The following TBC1D16 variants were observed in gnomAD, a reference collection of about 807,000 sequenced individuals.
The protein encoded by TBC1D16 is CTD-2529O21.1.
TBC1D16 carries 58 observed loss-of-function variants against 74.7 expected under a neutral mutation model. The observed-to-expected ratio is 0.78, with a 90% confidence interval of 0.63 to 0.97. The LOEUF is 0.97. TBC1D16 is among the 50% of genes least tolerant of loss of function. TBC1D16 has a pLI of 0.00. For missense variants in TBC1D16, 1,014 were observed against 1,079.5 expected (o/e 0.94, Z 0.85); for synonymous variants, 493 against 474.7 (o/e 1.04, Z -0.50).
At position 79,988,963 on chromosome 17, in the gene TBC1D16, G is replaced by A. The variant is rs62074517; in HGVS notation, c.779+21197C>T. Among the ~76,000 whole-genome samples the A allele has an allele frequency of 0.66, 100,529 of 152,082 alleles. 34,186 individuals are homozygous for A. Among genetic ancestry groups the A allele is most frequent in the Admixed American group, 0.75 (11,466 of 15,294 alleles). ...ACCCAGCACCTTCAGTCCTCCTGCCGAGAAGAAGCCTTTCATCAGTAAAAG... is the reference window on the plus strand; with the variant it reads ...ACCCAGCACCTTCAGTCCTCCTGCCAAGAAGAAGCCTTTCATCAGTAAAAG... On this transcript the variant is annotated intron_variant, in intron 3 of 11. Coordinates refer to ENST00000310924, the MANE Select transcript of TBC1D16 (RefSeq NM_019020.4). This position sits in a 1 kb window ranked among gnomAD's most constrained non-coding sequence, Gnocchi z 5.7.
intron 3 of TBC1D16, among the ~76,000 whole-genome samples, chr17:79,972,373 C>G (rs2034148444): frequency 6.6e-6 from 1 of 152,108 alleles, no homozygotes; most frequent in Non-Finnish European, 1.5e-5. Flanking sequence ...GACAGGGTTT[C>G]ACCATGTTGG....
intron 1 of TBC1D16, among the ~76,000 whole-genome samples, chr17:80,032,706 G>A (rs2036815915): frequency 1.3e-5 from 2 of 152,276 alleles, no homozygotes; most frequent in Admixed American, 1.3e-4. Context: ...CTGTGCACTG[G>A]CCTCATTAAC....
chr17:80,005,390 A>AC, intron 3 of TBC1D16, among the ~76,000 whole-genome samples: 1 of 152,132 alleles, frequency 6.6e-6, no homozygotes, highest in Non-Finnish European at 1.5e-5. Context: ...GTTATTCCAC[A>AC]CCCTCGCCCA....
Position 79,952,711 on chromosome 17 carries a change from C to A in TBC1D16, c.887G>T (p.Cys296Phe), listed in dbSNP as rs762764896. ...PQRVCALEQI[C>F]GVFRVDLGHM... ...GCCCAGGTCCACGCGGAACACGCCGCAAATCTGCTCCAGGGCGCACACCCG... is the reference window on the plus strand; with the variant it reads ...GCCCAGGTCCACGCGGAACACGCCGAAAATCTGCTCCAGGGCGCACACCCG... Residue 296 changes from cysteine to phenylalanine, a missense_variant, in exon 4 of 12, where the codon TGC becomes TTC. By Grantham distance (205) the Cys-to-Phe change is radical (BLOSUM62 -2). Transcript: ENST00000310924. 3.7e-6 allele frequency: 6 copies of A among 1,611,886 alleles called. No individual in the cohort carries two copies. Among genetic ancestry groups the A allele is most frequent in the Non-Finnish European group, 5.1e-6 (6 of 1,178,820 alleles).
At position 80,009,501 on chromosome 17, in the gene TBC1D16, G is replaced by C. The variant is rs531466060; in HGVS notation, c.779+659C>G. On this transcript the variant is annotated intron_variant, in intron 3 of 11. Coordinates refer to ENST00000310924, the MANE Select transcript of TBC1D16 (RefSeq NM_019020.4). The surrounding 1 kb of genome is among the most constrained non-coding windows in gnomAD (Gnocchi z 5.4). ...GGGCACGGGCCCAACTCTAGCTCCT[G>C]CAAGTGTGGCCAGCAAGGAGTCCAG... Among the ~76,000 whole-genome samples the C allele has an allele frequency of 6.6e-6, 1 of 152,346 alleles. No individual in the cohort carries two copies. The highest frequency in any genetic ancestry group is 1.5e-5 in the Non-Finnish European group (1 of 68,024).
chr17:79,995,404 C>T (rs1300399553), intron 3 of TBC1D16, among the ~76,000 whole-genome samples: 3 of 151,998 alleles, frequency 2.0e-5, no homozygotes, highest in East Asian at 1.9e-4. Flanking sequence ...CTTCAACAAA[C>T]GACGCGGGAG....
chr17:79,933,967 C>G lies in TBC1D16; in HGVS notation c.*6892G>C, dbSNP rs574204889. ...ACCCCAGAGAACTTCCCCTCTGGAG[C>G]CTGTGCGGCTGGTTGAGTGTAAACG... On this transcript the variant is annotated 3_prime_UTR_variant, in exon 12 of 12. Coordinates refer to ENST00000310924, the MANE Select transcript of TBC1D16 (RefSeq NM_019020.4). 2 of 152,438 alleles carry G rather than the reference C, an allele frequency of 1.3e-5. No individual in the cohort carries two copies. Among genetic ancestry groups the G allele is most frequent in the African/African-American group, 4.8e-5 (2 of 41,578 alleles). The allele number at this position is 152,438 out of a possible 1,614,324, so 9.4% of individuals were successfully genotyped here. A position where few individuals can be genotyped will look rare whatever the true frequency, so the allele number is the denominator to read the frequency against.
intron 1 of TBC1D16, among the ~76,000 whole-genome samples, chr17:80,023,667 A>C (rs11649802): frequency 0.33 from 46,361 of 142,086 alleles, 8,855 homozygotes; most frequent in East Asian, 0.5. Context: ...GCCCCCCCCC[A>C]CCGGCTCAGG....
In TBC1D16 at chr17:79,981,603, C is replaced by G. The variant is rs2034584256; in HGVS notation, c.779+28557G>C. Among the ~76,000 whole-genome samples the G allele has an allele frequency of 6.6e-6, 1 of 152,260 alleles. No individual in the cohort carries two copies. Among genetic ancestry groups the G allele is most frequent in the East Asian group, 1.9e-4 (1 of 5,202 alleles). On this transcript the variant is annotated intron_variant, in intron 3 of 11. Coordinates refer to ENST00000310924, the MANE Select transcript of TBC1D16 (RefSeq NM_019020.4). This position sits in a 1 kb window ranked among gnomAD's most constrained non-coding sequence, Gnocchi z 6.9. ...AATGCGCATGAACATGATTTTTAAG[C>G]CATCCTACCAGCAACACTTCGTTTT...
At chr17:80,013,139 T>C (rs182407583) in intron 2 of TBC1D16, among the ~76,000 whole-genome samples, 1 of 152,374 alleles carries the variant, frequency 6.6e-6, no homozygotes, top group Admixed American at 6.5e-5. Flanking sequence ...AACCCATCTT[T>C]TGTCCCTCCC....
rs534523784 is a variant in TBC1D16 at position 80,028,203 on chromosome 17, T to C, written c.-63+7592A>G. 3.0e-4 allele frequency among the ~76,000 whole-genome samples: 45 copies of C among 152,118 alleles called. No homozygotes were observed. In the South Asian group the frequency reaches 8.5e-3, roughly 29 times the overall value. ...GATGGATTGAAGCCAAGATCTACAATTTGCATCAGCTTGAGTGTACAAAAA... is the reference window on the plus strand; with the variant it reads ...GATGGATTGAAGCCAAGATCTACAACTTGCATCAGCTTGAGTGTACAAAAA... On this transcript the variant is annotated intron_variant, in intron 1 of 11. Transcript: ENST00000310924.
rs12602330 is a variant in TBC1D16, at chr17:79,944,608, T to A, written c.1908+300A>T. 0.036 allele frequency among the ~76,000 whole-genome samples: 5,451 copies of A among 152,146 alleles called. 127 individuals are homozygous for A. Among genetic ancestry groups the A allele is most frequent in the East Asian group, 0.081 (418 of 5,150 alleles). On this transcript the variant is annotated intron_variant, in intron 10 of 11. Coordinates refer to ENST00000310924, the MANE Select transcript of TBC1D16 (RefSeq NM_019020.4). The surrounding 1 kb of genome is among the most constrained non-coding windows in gnomAD (Gnocchi z 7.7). ...ACCAGCGTCCTGGGCTGCTGTGGCCTAGTGTAGGCCCCCCACAGTGTCACT... is the reference window on the plus strand; with the variant it reads ...ACCAGCGTCCTGGGCTGCTGTGGCCAAGTGTAGGCCCCCCACAGTGTCACT...
At position 79,990,372 on chromosome 17, in the gene TBC1D16, CAGCCCGGGCAGAGGTG is replaced by C. The variant is rs1350921557; in HGVS notation, c.779+19772_779+19787del. Among the ~76,000 whole-genome samples, 1 of 152,234 alleles carries C rather than the reference CAGCCCGGGCAGAGGTG, an allele frequency of 6.6e-6. No homozygotes were observed. Among genetic ancestry groups the C allele is most frequent in the Admixed American group, 6.5e-5 (1 of 15,286 alleles). ...CCTGCCCCATGAGAGCCTCCTGTTG[CAGCCCGGGCAGAGGTG>C]AGCCTGGGCAGCCACCTCCCACGTG... On this transcript the variant is annotated intron_variant, in intron 3 of 11. Transcript: ENST00000310924. This position sits in a 1 kb window ranked among gnomAD's most constrained non-coding sequence, Gnocchi z 4.8.
chr17:79,967,328 T>C (rs1047871224), intron 3 of TBC1D16, among the ~76,000 whole-genome samples: 6 of 152,168 alleles, frequency 3.9e-5, no homozygotes, highest in African/African-American at 9.7e-5. Flanking sequence ...GGAGTAAAAC[T>C]ATCTCTATTA....
Position 79,944,250 on chromosome 17 carries a change from C to T in TBC1D16, c.1908+658G>A, listed in dbSNP as rs2032307514. 2 of 1,050,064 alleles carry T rather than the reference C, an allele frequency of 1.9e-6. No individual in the cohort carries two copies. The highest frequency in any genetic ancestry group is 2.7e-6 in the Non-Finnish European group (2 of 731,322). The allele number at this position is 1,050,064 out of a possible 1,614,324, so 65.0% of individuals were successfully genotyped here. A position where few individuals can be genotyped will look rare whatever the true frequency, so the allele number is the denominator to read the frequency against. On this transcript the variant is annotated intron_variant, in intron 10 of 11. Transcript: ENST00000310924. This position sits in a 1 kb window ranked among gnomAD's most constrained non-coding sequence, Gnocchi z 7.7. ...CCAGCTCCTGCAAAAGGGTCCAGCC[C>T]TCCTGGATGCGTCGATGTGAGTTTT...
chr17:79,997,103 G>A (rs1310628823), intron 3 of TBC1D16, among the ~76,000 whole-genome samples: 1 of 152,176 alleles, frequency 6.6e-6, no homozygotes, highest in Non-Finnish European at 1.5e-5. Flanking sequence ...CTGTGCCAGG[G>A]CAGCGTGGAG....
chr17:79,965,864 C>T (rs1251972111), intron 3 of TBC1D16, among the ~76,000 whole-genome samples: 1 of 152,246 alleles, frequency 6.6e-6, no homozygotes, highest in Non-Finnish European at 1.5e-5. Flanking sequence ...GTCTGCCAGT[C>T]AAGCTCCCAT....
At chr17:79,978,128 G>A (rs147881738) in intron 3 of TBC1D16, among the ~76,000 whole-genome samples, 12 of 152,330 alleles carry the variant, frequency 7.9e-5, no homozygotes, top group Admixed American at 3.9e-4. Context: ...CCGACATCCC[G>A]CATGCACCGA....
At chr17:80,002,840 C>T (rs926996121) in intron 3 of TBC1D16, among the ~76,000 whole-genome samples, 5 of 152,254 alleles carry the variant, frequency 3.3e-5, no homozygotes, top group African/African-American at 1.2e-4. Flanking sequence ...CACTGCAGGA[C>T]GCTCTGCTGA....
Sources: gnomAD v4.1 joint callset for allele counts (sites outside exome capture counted in the v4.1 genomes callset) on GRCh38, gnomAD v4.1.1 for gene constraint, Gnocchi (gnomAD v3.1) non-coding constraint, MANE v1.5 for transcripts, NCBI Gene and HGNC (gene_info 2026-07-23, HGNC 2026-07-21) for gene names.